The following SLC8A3 variants were observed in gnomAD, a reference collection of about 807,000 sequenced individuals.
The protein encoded by SLC8A3 is solute carrier family 8 member A3.
Under a neutral mutation model 65.4 loss-of-function variants are expected in SLC8A3, and 37 were observed. That is an observed-to-expected ratio of 0.57 (90% confidence interval 0.44 to 0.74). The LOEUF is 0.74. Ranked by LOEUF, SLC8A3 falls within the 30% of genes least tolerant of loss-of-function variation. The pLI, the probability that SLC8A3 is intolerant of heterozygous loss-of-function variation, is 0.00. For synonymous variants in SLC8A3, 461 were observed against 444.5 expected (o/e 1.04, Z -0.47); for missense variants, 1,112 against 1,172.1 (o/e 0.95, Z 0.75).
chr14:70,160,752 C>A (rs536061871), intron 2 of SLC8A3, among the ~76,000 whole-genome samples: 73 of 151,894 alleles, frequency 4.8e-4, no homozygotes, highest in African/African-American at 1.7e-3. Context: ...TCTGGACTTC[C>A]TGGAGAGTTT....
intron 2 of SLC8A3, chr14:70,079,953 C>A: frequency 3.2e-6 from 1 of 310,102 alleles, no homozygotes; most frequent in South Asian, 1.3e-4. Context: ...TGACCTTGGC[C>A]AAATCTCTTA....
intron 1 of SLC8A3, among the ~76,000 whole-genome samples, chr14:70,169,604 C>T (rs927801628): frequency 2.1e-5 from 3 of 142,322 alleles, no homozygotes; most frequent in Admixed American, 7.4e-5. Context: ...GCAATTGAAA[C>T]TATTATATAC....
At chr14:70,057,986 C>T (rs1036381612) in intron 3 of SLC8A3, among the ~76,000 whole-genome samples, 3 of 152,206 alleles carry the variant, frequency 2.0e-5, no homozygotes, top group African/African-American at 7.2e-5. Flanking sequence ...CAGTGTTGCT[C>T]TCGGAAGTCC....
intron 2 of SLC8A3, among the ~76,000 whole-genome samples, chr14:70,088,551 T>C (rs955398051): frequency 2.0e-5 from 3 of 152,294 alleles, no homozygotes; most frequent in Non-Finnish European, 4.4e-5. Context: ...GCCAGCATCC[T>C]GCGTGGCTTT....
At chr14:70,085,217 G>T (rs1015491472) in intron 2 of SLC8A3, among the ~76,000 whole-genome samples, 1 of 152,106 alleles carries the variant, frequency 6.6e-6, no homozygotes, top group Non-Finnish European at 1.5e-5. Context: ...GAGCACTGGT[G>T]TTGGGAAGGG....
intron 1 of SLC8A3, 84 bp from the exon 2 acceptor site, chr14:70,168,568 T>A (rs1363084226): frequency 4.8e-6 from 3 of 622,974 alleles, no homozygotes; most frequent in Non-Finnish European, 8.4e-6. Flanking sequence ...AACTGATGCT[T>A]CACCTCCAGT....
chr14:70,144,628 T>TAA (rs34113457), intron 2 of SLC8A3, among the ~76,000 whole-genome samples: 16,824 of 142,972 alleles, frequency 0.12, 1,154 homozygotes, highest in Non-Finnish European at 0.16. Context: ...AGACTCCACC[T>TAA]AAAAAAAAAA....
intron 2 of SLC8A3, among the ~76,000 whole-genome samples, chr14:70,134,723 C>T (rs1895074667): frequency 6.6e-6 from 1 of 152,186 alleles, no homozygotes; most frequent in African/African-American, 2.4e-5. Flanking sequence ...CTAAGGCCAT[C>T]TTCACACAGC....
chr14:70,154,190 C>A lies in SLC8A3; in HGVS notation c.1784+12449G>T, dbSNP rs1306441807. The stretch of plus-strand genomic sequence containing the variant: ...CTTCCTACATATGAGGAAAAGGGAG[C>A]CTGCTACTTCCAGCTTCATAACCTT... On this transcript the variant is annotated intron_variant, in intron 2 of 6. Coordinates refer to ENST00000356921, the MANE Select transcript of SLC8A3 (RefSeq NM_182932.3). 2.6e-5 allele frequency among the ~76,000 whole-genome samples: 4 copies of A among 152,194 alleles called. No homozygotes were observed. In the East Asian group the frequency reaches 7.7e-4, roughly 29 times the overall value.
chr14:70,101,966 T>A (rs1377032180), intron 2 of SLC8A3, among the ~76,000 whole-genome samples: 1 of 152,234 alleles, frequency 6.6e-6, no homozygotes, highest in Non-Finnish European at 1.5e-5. Context: ...AAAAGGAGGC[T>A]ATACTTGACG....
At chr14:70,095,569 G>A (rs1051011571) in intron 2 of SLC8A3, among the ~76,000 whole-genome samples, 11 of 152,152 alleles carry the variant, frequency 7.2e-5, no homozygotes, top group East Asian at 5.8e-4. Context: ...ACTCCATTTC[G>A]CTGCCCTTTG....
intron 1 of SLC8A3, among the ~76,000 whole-genome samples, chr14:70,169,455 A>G (rs888689573): frequency 6.6e-5 from 10 of 152,204 alleles, no homozygotes; most frequent in African/African-American, 2.4e-5. Flanking sequence ...GGTAAAAATC[A>G]TTATTAATAA....
intron 2 of SLC8A3, chr14:70,063,949 T>G: frequency 7.2e-7 from 1 of 1,391,142 alleles, no homozygotes; most frequent in Non-Finnish European, 1.0e-6. Flanking sequence ...GAAAAATAAG[T>G]ATCATAAGCA....
intron 2 of SLC8A3, among the ~76,000 whole-genome samples, chr14:70,103,538 C>G (rs369171130): frequency 6.6e-6 from 1 of 152,018 alleles, no homozygotes; most frequent in Non-Finnish European, 1.5e-5. Context: ...GGGACATAGA[C>G]TGCTGCAAGC....
intron 1 of SLC8A3, among the ~76,000 whole-genome samples, chr14:70,175,817 C>A (rs984363167): frequency 1.3e-5 from 2 of 151,488 alleles, no homozygotes; most frequent in African/African-American, 4.9e-5. Flanking sequence ...TCACCGCAAC[C>A]TCCGCCTCCC....
intron 1 of SLC8A3, among the ~76,000 whole-genome samples, chr14:70,184,896 G>A (rs17765625): frequency 0.05 from 7,629 of 151,792 alleles, 228 homozygotes; most frequent in African/African-American, 0.066. Context: ...GCCTCAGCAC[G>A]TATTTGAACC....
intron 2 of SLC8A3, among the ~76,000 whole-genome samples, chr14:70,091,682 T>A (rs145082407): frequency 4.1e-4 from 63 of 152,340 alleles, no homozygotes; most frequent in Non-Finnish European, 5.6e-4. Flanking sequence ...TTACGTTCTA[T>A]TTTAACTTGA....
At chr14:70,112,167 G>A (rs1893351070) in intron 2 of SLC8A3, among the ~76,000 whole-genome samples, 1 of 152,234 alleles carries the variant, frequency 6.6e-6, no homozygotes, top group African/African-American at 2.4e-5. Context: ...CTCGCCATTA[G>A]GCGAGAAGAA....
chr14:70,071,330 TTATCCAGGTGG>T (rs1323841901), intron 2 of SLC8A3, among the ~76,000 whole-genome samples: 1 of 152,182 alleles, frequency 6.6e-6, no homozygotes, highest in Admixed American at 6.5e-5. Flanking sequence ...AATAGGGACA[TTATCCAGGTGG>T]GCCTGATTGA....
Sources: gnomAD v4.1 joint callset for allele counts (sites outside exome capture counted in the v4.1 genomes callset) on GRCh38, gnomAD v4.1.1 for gene constraint, MANE v1.5 for transcripts, NCBI Gene and HGNC (gene_info 2026-07-23, HGNC 2026-07-21) for gene names.